PRDM16: variants seen among roughly 807,000 people sequenced by gnomAD.
PRDM16 encodes histone-lysine N-methyltransferase PRDM16.
A neutral mutation model predicts 110.6 loss-of-function variants in PRDM16; 23 were observed. That is an observed-to-expected ratio of 0.21 (90% CI 0.15 to 0.29). The LOEUF (loss-of-function observed/expected upper bound fraction) is 0.29. Among genes scored for constraint, PRDM16 ranks in the 10% least tolerant of loss-of-function variants. The pLI, the probability that PRDM16 is intolerant of heterozygous loss-of-function variation, is 1.00. For missense variants in PRDM16, 1,615 were observed against 1,794.3 expected (o/e 0.90, Z 1.81); for synonymous variants, 799 against 781.8 (o/e 1.02, Z -0.37).
At chr1:3,145,047 T>C (rs1230209006) in intron 1 of PRDM16, among the ~76,000 whole-genome samples, 2 of 152,128 alleles carry the variant, frequency 1.3e-5, no homozygotes, top group Non-Finnish European at 2.9e-5. Flanking sequence ...AGGAACACCC[T>C]AGATGTCCCT....
chr1:3,344,130 A>G (rs1195292245), intron 3 of PRDM16, among the ~76,000 whole-genome samples: 1 of 152,094 alleles, frequency 6.6e-6, no homozygotes, highest in Non-Finnish European at 1.5e-5. Context: ...TGTGGCCAGG[A>G]GTTCTAGACC....
chr1:3,320,583 CA>C (rs1641717977), intron 3 of PRDM16, among the ~76,000 whole-genome samples: 1 of 152,196 alleles, frequency 6.6e-6, no homozygotes, highest in African/African-American at 2.4e-5. Context: ...CCCCCGGACA[CA>C]GAGAGGGGCA....
At chr1:3,420,940 C>G (rs1290270707) in intron 12 of PRDM16, among the ~76,000 whole-genome samples, 2 of 152,044 alleles carry the variant, frequency 1.3e-5, no homozygotes, top group African/African-American at 2.4e-5. Flanking sequence ...GGGACTCCTG[C>G]TGGGACCGAG....
At chr1:3,383,293 A>G (rs1643136434) in intron 3 of PRDM16, among the ~76,000 whole-genome samples, 1 of 152,212 alleles carries the variant, frequency 6.6e-6, no homozygotes, top group African/African-American at 2.4e-5. Context: ...CAGGGACCCC[A>G]GGAGCACGCC....
At chr1:3,219,176 C>T (rs896983171) in intron 2 of PRDM16, among the ~76,000 whole-genome samples, 1 of 152,224 alleles carries the variant, frequency 6.6e-6, no homozygotes, top group Non-Finnish European at 1.5e-5. Flanking sequence ...AACCGCATGC[C>T]GACAAACGGC....
At chr1:3,389,385 A>C (rs531301851) in intron 4 of PRDM16, among the ~76,000 whole-genome samples, 15 of 152,282 alleles carry the variant, frequency 9.9e-5, no homozygotes, top group Non-Finnish European at 1.6e-4. Context: ...CCCCATGGGA[A>C]TCGGACCGTC....
chr1:3,287,309 T>C (rs1430018692), intron 3 of PRDM16, among the ~76,000 whole-genome samples: 5 of 140,100 alleles, frequency 3.6e-5, no homozygotes, highest in African/African-American at 1.1e-4. Context: ...TTACCGGGGC[T>C]GGAGCCGCCC....
At chr1:3,297,280 A>AT (rs34666813) in intron 3 of PRDM16, among the ~76,000 whole-genome samples, 10,385 of 120,862 alleles carry the variant, frequency 0.086, 1,566 homozygotes, top group African/African-American at 0.3. Flanking sequence ...GGTGAGAGGA[A>AT]TTTTTTTTTT....
chr1:3,091,854 C>G (rs1213162055), intron 1 of PRDM16, among the ~76,000 whole-genome samples: 1 of 152,206 alleles, frequency 6.6e-6, no homozygotes, highest in Non-Finnish European at 1.5e-5. Flanking sequence ...AAGGGCCTGT[C>G]CCCAGAGGGC....
chr1:3,101,054 G>A (rs1006482994), intron 1 of PRDM16, among the ~76,000 whole-genome samples: 1 of 152,158 alleles, frequency 6.6e-6, no homozygotes, highest in African/African-American at 2.4e-5. Context: ...GGCGGGAGTG[G>A]ATGCTGCTGG....
intron 1 of PRDM16, among the ~76,000 whole-genome samples, chr1:3,113,604 A>C (rs1441239776): frequency 6.6e-6 from 1 of 152,206 alleles, no homozygotes; most frequent in Non-Finnish European, 1.5e-5. Context: ...CTTTGCTCCG[A>C]ATAATCCCTT....
intron 1 of PRDM16, among the ~76,000 whole-genome samples, chr1:3,075,908 G>A (rs1020574110): frequency 2.0e-5 from 3 of 152,192 alleles, no homozygotes; most frequent in Non-Finnish European, 4.4e-5. Context: ...AGGCCAGGGC[G>A]GCAGAACCTC....
intron 5 of PRDM16, among the ~76,000 whole-genome samples, chr1:3,401,813 C>T (rs1643477490): frequency 6.6e-6 from 1 of 152,228 alleles, no homozygotes; most frequent in Admixed American, 6.5e-5. Flanking sequence ...CACACAGATG[C>T]ACACATGCCT....
In PRDM16 at chr1:3,238,728, C is replaced by T. The variant is rs376697130; in HGVS notation, c.388-5359C>T. 2.7e-3 allele frequency among the ~76,000 whole-genome samples: 405 copies of T among 152,172 alleles called. 3 individuals are homozygous for T. Among genetic ancestry groups the T allele is most frequent in the African/African-American group, 8.9e-3 (369 of 41,444 alleles). ...GCTTGGCCGTGGAGAGAGTCCTGGC[C>T]GGGGTTCAGGTGCAAGTCCCGGGTG... On this transcript the variant is annotated intron_variant, in intron 2 of 16. Transcript: ENST00000270722.
At chr1:3,333,218 C>T (rs1642079090) in intron 3 of PRDM16, among the ~76,000 whole-genome samples, 1 of 152,200 alleles carries the variant, frequency 6.6e-6, no homozygotes, top group South Asian at 2.1e-4. Context: ...TGTCCCTCTG[C>T]ATCAGACACA....
chr1:3,145,043 A>G (rs1557481158), intron 1 of PRDM16, among the ~76,000 whole-genome samples: 1 of 152,062 alleles, frequency 6.6e-6, no homozygotes, highest in Non-Finnish European at 1.5e-5. Context: ...TGGAAGGAAC[A>G]CCCTAGATGT....
intron 3 of PRDM16, among the ~76,000 whole-genome samples, chr1:3,323,265 C>T (rs1247997802): frequency 6.6e-6 from 1 of 152,204 alleles, no homozygotes; most frequent in African/African-American, 2.4e-5. Context: ...CAGGACACAG[C>T]GTTGCCATCA....
chr1:3,113,390 AG>A (rs201361902), intron 1 of PRDM16, among the ~76,000 whole-genome samples: 2,349 of 151,122 alleles, frequency 0.016, 57 homozygotes, highest in African/African-American at 0.046. Context: ...AGTGTGACTC[AG>A]TCCTCAGCTG....
intron 1 of PRDM16, among the ~76,000 whole-genome samples, chr1:3,086,893 G>A (rs1022547687): frequency 6.6e-6 from 1 of 152,142 alleles, no homozygotes; most frequent in African/African-American, 2.4e-5. Context: ...CAGTAGTGAA[G>A]CAATTAAGCG....
Sources: gnomAD v4.1 joint callset for allele counts (sites outside exome capture counted in the v4.1 genomes callset) on GRCh38, gnomAD v4.1.1 for gene constraint, MANE v1.5 for transcripts, NCBI Gene and HGNC (gene_info 2026-07-23, HGNC 2026-07-21) for gene names.